The following RPTOR variants were observed in gnomAD, a reference collection of about 807,000 sequenced individuals.
RPTOR encodes regulatory associated protein of MTOR complex 1.
A neutral mutation model predicts 169.9 loss-of-function variants in RPTOR; 21 were observed. The ratio of observed to expected loss-of-function variants is 0.12; its 90% CI spans 0.09 to 0.18. The LOEUF is 0.18. Ranked by LOEUF, RPTOR falls within the 10% of genes least tolerant of loss-of-function variation. The pLI is 1.00. For missense variants in RPTOR, 1,133 were observed against 1,855.9 expected (o/e 0.61, Z 7.16); for synonymous variants, 732 against 753.2 (o/e 0.97, Z 0.46).
rs766648568 is a variant in RPTOR, at chr17:80,925,261, G to C, written c.2809-109G>C. ...AAGTGCCGTCCTTAGGGGCAGCCCG[G>C]TGCTCCCGGCAGCGCCTTTGTCCCC... On this transcript the variant is annotated intron_variant, in intron 23 of 33. Coordinates refer to ENST00000306801, the MANE Select transcript of RPTOR (RefSeq NM_020761.3). 4 of 868,648 alleles carry C rather than the reference G, an allele frequency of 4.6e-6. No individual in the cohort carries two copies. The East Asian group carries it at 1.0e-4, about 23-fold the overall frequency. The allele number at this position is 868,648 out of a possible 1,614,324, so 53.8% of individuals were successfully genotyped here. A position where few individuals can be genotyped will look rare whatever the true frequency, so the allele number is the denominator to read the frequency against.
chr17:80,615,003 G>A (rs2065298518), intron 1 of RPTOR, among the ~76,000 whole-genome samples: 1 of 152,170 alleles, frequency 6.6e-6, no homozygotes, highest in African/African-American at 2.4e-5. Context: ...GTTGGGTCAT[G>A]GGGAGAGTTC....
Position 80,730,771 on chromosome 17 carries a change from T to TTTTTTGCCGGGGGGGGG in RPTOR, c.654+65_654+66insTTTTTGCCGGGGGGGGG. 2.1e-6 allele frequency: 1 copy of TTTTTTGCCGGGGGGGGG among 479,858 alleles called. No individual in the cohort carries two copies. Among genetic ancestry groups the TTTTTTGCCGGGGGGGGG allele is most frequent in the Non-Finnish European group, 4.0e-6 (1 of 250,640 alleles). The allele number at this position is 479,858 out of a possible 1,614,324, so 29.7% of individuals were successfully genotyped here. ...TTTTGTTTTCCCTGGGGGTGGGGTT[T>TTTTTTGCCGGGGGGGGG]GGGTGGGGAGGTTGGGAGGTGTTGG... On this transcript the variant is annotated intron_variant, in intron 5 of 33. Transcript: ENST00000306801. The surrounding 1 kb of genome is among the most constrained non-coding windows in gnomAD (Gnocchi z 4.2).
intron 23 of RPTOR, 95 bp downstream of exon 23, chr17:80,923,768 A>C: frequency 7.5e-7 from 1 of 1,328,382 alleles, no homozygotes; most frequent in Non-Finnish European, 1.0e-6. Flanking sequence ...TCACATCACC[A>C]TGGGATGGGG....
intron 3 of RPTOR, among the ~76,000 whole-genome samples, chr17:80,644,307 G>GGT (rs754136485): frequency 9.2e-6 from 1 of 109,170 alleles, no homozygotes; most frequent in Non-Finnish European, 1.8e-5. Context: ...TAGTGTGTGG[G>GGT]TTTTTTTTTT....
At chr17:80,745,170 G>C (rs2066560101) in intron 5 of RPTOR, among the ~76,000 whole-genome samples, 1 of 152,246 alleles carries the variant, frequency 6.6e-6, no homozygotes, top group African/African-American at 2.4e-5. Context: ...TTGACTGTGA[G>C]AGAAATTAGT....
intron 1 of RPTOR, among the ~76,000 whole-genome samples, chr17:80,624,887 C>T (rs1322131901): frequency 6.6e-6 from 1 of 152,126 alleles, no homozygotes; most frequent in Non-Finnish European, 1.5e-5. Context: ...ATCCATGGGC[C>T]GGAGCTCTGC....
intron 3 of RPTOR, among the ~76,000 whole-genome samples, chr17:80,681,598 C>T (rs534991793): frequency 2.7e-5 from 4 of 150,128 alleles, no homozygotes; most frequent in Admixed American, 6.6e-5. Context: ...ACGTCTCTTA[C>T]ACCTTCATGA....
At chr17:80,817,536 C>A (rs2067336541) in intron 7 of RPTOR, among the ~76,000 whole-genome samples, 1 of 151,292 alleles carries the variant, frequency 6.6e-6, no homozygotes, top group African/African-American at 2.4e-5. Context: ...TGTGAGTGAA[C>A]CGGGGAGGGA....
chr17:80,752,801 T>A (rs1473449873), intron 5 of RPTOR, among the ~76,000 whole-genome samples: 2 of 152,248 alleles, frequency 1.3e-5, no homozygotes, highest in Non-Finnish European at 2.9e-5. Flanking sequence ...TGTCATTTTT[T>A]AAACCTTTGA....
Position 80,837,958 on chromosome 17 carries a change from T to C in RPTOR, c.1173T>C (p.Ser391=). 6.2e-7 allele frequency: 1 copy of C among 1,612,300 alleles called. No individual in the cohort carries two copies. The highest frequency in any genetic ancestry group is 1.1e-5 in the South Asian group (1 of 90,474). The change falls in exon 10 of 34, where the codon TCT becomes TCC. Residue 391 remains serine (S), a synonymous_variant. Coordinates refer to ENST00000306801, the MANE Select transcript of RPTOR (RefSeq NM_020761.3). ...ACCTGGCTGTTGACATCTGTCTGTC[T>C]CAGCTGCCGACGATCATCGAGGAAG... ...AWDLAVDICL[S]QLPTIIEEGT... is the part of the protein sequence containing the mutation.
At chr17:80,775,812 A>G (rs2066886940) in intron 6 of RPTOR, among the ~76,000 whole-genome samples, 2 of 152,232 alleles carry the variant, frequency 1.3e-5, no homozygotes, top group Admixed American at 1.3e-4. Context: ...TGTTTTTGCT[A>G]TTCCATATTC....
At chr17:80,881,387 A>G (rs978092244) in intron 14 of RPTOR, among the ~76,000 whole-genome samples, 7 of 152,276 alleles carry the variant, frequency 4.6e-5, no homozygotes, top group African/African-American at 1.7e-4. Flanking sequence ...AGAATAAGGA[A>G]GAAAGCAAAT....
At position 80,695,273 on chromosome 17, in the gene RPTOR, C is replaced by T. The variant is rs547054655; in HGVS notation, c.349-12568C>T. Reference sequence around the variant, plus strand: ...CCACGGGGGCCCGAGCATTTCCACACGAGACTTTCACATCAGCCACCCGGG... The same window carrying T: ...CCACGGGGGCCCGAGCATTTCCACATGAGACTTTCACATCAGCCACCCGGG... On this transcript the variant is annotated intron_variant, in intron 3 of 33. Transcript: ENST00000306801. This position sits in a 1 kb window ranked among gnomAD's most constrained non-coding sequence, Gnocchi z 4.9. 2.0e-5 allele frequency among the ~76,000 whole-genome samples: 3 copies of T among 152,340 alleles called. No individual in the cohort carries two copies. Among genetic ancestry groups the T allele is most frequent in the East Asian group, 3.9e-4 (2 of 5,180 alleles).
At chr17:80,552,640 A>G (rs1175137248) in intron 1 of RPTOR, among the ~76,000 whole-genome samples, 1 of 152,250 alleles carries the variant, frequency 6.6e-6, no homozygotes, top group African/African-American at 2.4e-5. Context: ...AAAGGCTTCC[A>G]CATACATTAT....
At chr17:80,907,956 T>A (rs1298852123) in intron 20 of RPTOR, among the ~76,000 whole-genome samples, 1 of 152,192 alleles carries the variant, frequency 6.6e-6, no homozygotes. Flanking sequence ...CCGCACGCTG[T>A]CGTGGACGTA....
intron 11 of RPTOR, among the ~76,000 whole-genome samples, chr17:80,851,864 C>T (rs1406669952): frequency 6.6e-6 from 1 of 152,196 alleles, no homozygotes; most frequent in Non-Finnish European, 1.5e-5. Context: ...ATTTGTTCTG[C>T]AACTATTTAC....
chr17:80,891,709 C>T lies in RPTOR; in HGVS notation c.1984-11C>T, dbSNP rs758548049. 16 of 1,579,590 alleles carry T rather than the reference C, an allele frequency of 1.0e-5. No homozygotes were observed. Among genetic ancestry groups the T allele is most frequent in the Non-Finnish European group, 1.3e-5 (15 of 1,150,228 alleles). ...CCAGTGACTGTTATTGTCCCTTCTC[C>T]CTCTCGGCAGGAGCTGGTGGTGGCT... On this transcript the variant is annotated splice_polypyrimidine_tract_variant and intron_variant, in intron 17 of 33. Transcript: ENST00000306801.
At chr17:80,793,938 CCACTGT>C (rs1175492328) in intron 7 of RPTOR, among the ~76,000 whole-genome samples, 9 of 152,288 alleles carry the variant, frequency 5.9e-5, no homozygotes, top group Admixed American at 5.2e-4. Flanking sequence ...CAGGACAGCC[CCACTGT>C]CGTCTGCCCA....
At chr17:80,825,874 C>T (rs752676422) in intron 9 of RPTOR, among the ~76,000 whole-genome samples, 4 of 152,186 alleles carry the variant, frequency 2.6e-5, no homozygotes, top group East Asian at 1.9e-4. Flanking sequence ...CCCTTTCGGG[C>T]GCGTTCTTCT....
Sources: allele counts gnomAD v4.1 joint callset (sites outside exome capture counted in the v4.1 genomes callset), GRCh38; gene constraint gnomAD v4.1.1; non-coding constraint Gnocchi (gnomAD v3.1); transcripts MANE v1.5; gene names NCBI Gene and HGNC (gene_info 2026-07-23, HGNC 2026-07-21).